PMS1: variants seen among roughly 807,000 people sequenced by gnomAD.
The protein encoded by PMS1 is PMS1 homolog 1, mismatch repair system component, also known as PMS1 protein homolog 1.
PMS1 carries 79 observed loss-of-function variants against 93.1 expected under a neutral mutation model. The ratio of observed to expected loss-of-function variants is 0.85; its 90% CI spans 0.71 to 1.02. The LOEUF is 1.02. PMS1 is among the 50% of genes least tolerant of loss of function. The pLI is 0.00. For synonymous variants in PMS1, 335 were observed against 363.4 expected, an observed-to-expected ratio of 0.92 and a Z score of 0.89; for missense variants, 1,064 against 1,085.3, an observed-to-expected ratio of 0.98 and a Z score of 0.28.
At chr2:189,836,677 C>T (rs1233247) in intron 5 of PMS1, among the ~76,000 whole-genome samples, 1,912 of 152,138 alleles carry the variant, frequency 0.013, 34 homozygotes, top group African/African-American at 0.043. Context: ...GTTGGCAGAC[C>T]GCTATTATTT....
chr2:189,798,798 CAGAT>C (rs2049604759), intron 3 of PMS1, among the ~76,000 whole-genome samples: 1 of 131,552 alleles, frequency 7.6e-6, no homozygotes, highest in African/African-American at 2.9e-5. Flanking sequence ...TCAAACTTGA[CAGAT>C]AGGCTTTAAG....
intron 6 of PMS1, among the ~76,000 whole-genome samples, chr2:189,845,248 C>G (rs1575234989): frequency 6.6e-6 from 1 of 151,984 alleles, no homozygotes; most frequent in African/African-American, 2.4e-5. Context: ...GACTATAAAA[C>G]AATCTTCGTT....
chr2:189,872,624 GTTTTA>G (rs144522321), intron 11 of PMS1, among the ~76,000 whole-genome samples: 1,897 of 152,084 alleles, frequency 0.012, 40 homozygotes, highest in African/African-American at 0.043. Context: ...CTAGTTTCTA[GTTTTA>G]TTTTATTTTA....
Position 189,855,043 on chromosome 2 carries a change from A to G in PMS1, c.1771A>G (p.Ile591Val), listed in dbSNP as rs1196600331. ...FVQDHRPQFL[I>V]ENPKTSLEDA... Reference sequence around the variant, plus strand: ...TCAAGATCATCGTCCTCAGTTTCTCATAGAAAATCCTAAGACTAGTTTAGA... The same window carrying G: ...TCAAGATCATCGTCCTCAGTTTCTCGTAGAAAATCCTAAGACTAGTTTAGA... Residue 591 changes from isoleucine to valine, a missense_variant, in exon 9 of 13, where the codon ATA becomes GTA. Ile to Val is a conservative substitution (Grantham distance 29). Transcript: ENST00000441310. 4 of 1,612,404 alleles carry G rather than the reference A, an allele frequency of 2.5e-6. No homozygotes were observed. The highest frequency in any genetic ancestry group is 2.2e-5 in the South Asian group (2 of 91,056).
intron 1 of PMS1, among the ~76,000 whole-genome samples, chr2:189,791,337 T>C (rs969097012): frequency 2.6e-5 from 4 of 152,144 alleles, no homozygotes; most frequent in African/African-American, 4.8e-5. Flanking sequence ...AGAAGACTTA[T>C]GGCTGGGCGT....
intron 11 of PMS1, among the ~76,000 whole-genome samples, chr2:189,871,948 AAG>A (rs1053206846): frequency 1.3e-5 from 2 of 152,166 alleles, no homozygotes; most frequent in African/African-American, 4.8e-5. Flanking sequence ...AAGAGGGAGC[AAG>A]AGAGAGATGC....
intron 9 of PMS1, among the ~76,000 whole-genome samples, chr2:189,856,102 C>A (rs2055301724): frequency 6.6e-6 from 1 of 150,958 alleles, no homozygotes; most frequent in South Asian, 2.1e-4. Flanking sequence ...CCACTATTAA[C>A]ACCAAAATGA....
chr2:189,806,244 A>G (rs1373451118), intron 4 of PMS1: 5 of 257,124 alleles, frequency 1.9e-5, no homozygotes, highest in African/African-American at 1.1e-4. Flanking sequence ...ATTCATTGCT[A>G]AAGTTCTTTC....
At position 189,833,443 on chromosome 2, in the gene PMS1, A is replaced by G. The variant is rs550011226; in HGVS notation, c.583-10521A>G. ...CTAAAAATACAAAAATTAACTGGGC[A>G]TGGTGGCACGCGCCTGTAGTCCCAG... is the stretch of plus-strand genomic sequence containing the variant. On this transcript the variant is annotated intron_variant, in intron 5 of 12. Coordinates refer to ENST00000441310, the MANE Select transcript of PMS1 (RefSeq NM_000534.5). 7.2e-5 allele frequency among the ~76,000 whole-genome samples: 11 copies of G among 152,186 alleles called. No homozygotes were observed. In the South Asian group the frequency reaches 2.3e-3, roughly 32 times the overall value.
At chr2:189,843,025 TTTC>T (rs2053947727) in intron 5 of PMS1, among the ~76,000 whole-genome samples, 1 of 149,684 alleles carries the variant, frequency 6.7e-6, no homozygotes, top group East Asian at 1.9e-4. Context: ...TTTTTCTTAT[TTTC>T]TTTTTTTAAG....
intron 2 of PMS1, among the ~76,000 whole-genome samples, chr2:189,794,807 A>C (rs1401478131): frequency 6.6e-6 from 1 of 152,142 alleles, no homozygotes; most frequent in African/African-American, 2.4e-5. Context: ...AGATTTTGAA[A>C]AGATTTTCAT....
At chr2:189,861,400 CTTT>C (rs11295204) in intron 9 of PMS1, among the ~76,000 whole-genome samples, 5 of 137,030 alleles carry the variant, frequency 3.6e-5, no homozygotes, top group African/African-American at 7.8e-5. Flanking sequence ...TTTTGAAGGA[CTTT>C]TTTTTTTTTT....
At chr2:189,804,806 A>G (rs553995312) in intron 3 of PMS1, among the ~76,000 whole-genome samples, 2 of 152,220 alleles carry the variant, frequency 1.3e-5, no homozygotes, top group Admixed American at 1.3e-4. Flanking sequence ...ATTACTCCCA[A>G]TTTTGGGTCA....
chr2:189,833,714 C>T (rs563794510), intron 5 of PMS1, among the ~76,000 whole-genome samples: 22 of 151,960 alleles, frequency 1.4e-4, no homozygotes, highest in Admixed American at 5.9e-4. Flanking sequence ...AAAACCTGAA[C>T]CCCCCCTACT....
In PMS1 at chr2:189,871,929, A is replaced by G. The variant is rs114737344; in HGVS notation, c.2474-1567A>G. 1.3e-3 allele frequency among the ~76,000 whole-genome samples: 205 copies of G among 152,302 alleles called. 1 individual carries two copies. The highest frequency in any genetic ancestry group is 4.5e-3 in the African/African-American group (185 of 41,566). ...GAAGGCAACAAGGAGCCAGCATGTC[A>G]CATGGTGAAAGAGGGAGCAAGAGAG... On this transcript the variant is annotated intron_variant, in intron 11 of 12. Transcript: ENST00000441310.
intron 5 of PMS1, among the ~76,000 whole-genome samples, chr2:189,841,552 T>C (rs1159127665): frequency 1.3e-5 from 2 of 152,134 alleles, no homozygotes; most frequent in East Asian, 3.9e-4. Context: ...CCTGATGTGC[T>C]AGTTAGAGAA....
chr2:189,799,619 T>C (rs5742997), intron 3 of PMS1, among the ~76,000 whole-genome samples: 5,737 of 152,324 alleles, frequency 0.038, 155 homozygotes, highest in African/African-American at 0.067. Flanking sequence ...AATACAGAGC[T>C]AGCTGGAAGG....
At chr2:189,814,894 G>A (rs1359461895) in intron 4 of PMS1, among the ~76,000 whole-genome samples, 6 of 151,964 alleles carry the variant, frequency 3.9e-5, no homozygotes, top group South Asian at 2.1e-4. Context: ...TCAGGAGATC[G>A]AGACCATCCT....
intron 3 of PMS1, among the ~76,000 whole-genome samples, chr2:189,802,239 A>T (rs145668517): frequency 5.9e-5 from 9 of 152,270 alleles, no homozygotes; most frequent in African/African-American, 1.9e-4. Context: ...TTCACATGTA[A>T]CTTTTGACTC....
Sources: gnomAD v4.1 joint callset for allele counts (sites outside exome capture counted in the v4.1 genomes callset) on GRCh38, gnomAD v4.1.1 for gene constraint, MANE v1.5 for transcripts, NCBI Gene and HGNC (gene_info 2026-07-23, HGNC 2026-07-21) for gene names.